Variants in FAM217A observed in about 807,000 individuals in gnomAD.
FAM217A encodes the protein family with sequence similarity 217 member A.
In FAM217A, 13 loss-of-function variants were observed where a neutral mutation model predicts 18.5. The ratio of observed to expected loss-of-function variants is 0.70; its 90% confidence interval spans 0.46 to 1.12. FAM217A has a LOEUF of 1.12. Among genes scored for constraint, FAM217A ranks in the 50% most tolerant of loss-of-function variants. The pLI is 0.00. For synonymous variants in FAM217A, 161 were observed against 202.8 expected, an observed-to-expected ratio of 0.79 and a Z score of 1.75; for missense variants, 560 against 575.4, an observed-to-expected ratio of 0.97 and a Z score of 0.27.
chr6:4,086,057 G>T (rs1770635719), intron 1 of FAM217A, among the ~76,000 whole-genome samples: 1 of 151,854 alleles, frequency 6.6e-6, no homozygotes. Context: ...CGAGGCTACA[G>T]TGAGCTGCAC....
At chr6:4,072,201 C>G (rs189599899) in intron 6 of FAM217A, among the ~76,000 whole-genome samples, 1 of 152,110 alleles carries the variant, frequency 6.6e-6, no homozygotes, top group Non-Finnish European at 1.5e-5. Flanking sequence ...ATTAGCCAGG[C>G]ATGGTGGCGG....
Position 4,068,965 on chromosome 6 carries a change from T to C in FAM217A, c.1258A>G (p.Ile420Val), listed in dbSNP as rs369483912. Reference sequence around the variant, plus strand: ...ACCATTGATTGATTTGTATGGCCAATAGTAGGTTTGAATGAGAGTTCTTGG... The same window carrying C: ...ACCATTGATTGATTTGTATGGCCAACAGTAGGTTTGAATGAGAGTTCTTGG... ...PCQELSFKPTIGHTNQSMVKM... is the reference protein window; with the variant it reads ...PCQELSFKPTVGHTNQSMVKM... Residue 420 changes from isoleucine to valine, a missense_variant, in exon 7 of 7, where the codon ATT becomes GTT. By Grantham distance (29) the Ile-to-Val change is conservative. Coordinates refer to ENST00000274673, the MANE Select transcript of FAM217A (RefSeq NM_173563.3). 17 of 1,614,102 alleles carry C rather than the reference T, an allele frequency of 1.1e-5. No homozygotes were observed. The highest frequency in any genetic ancestry group is 1.4e-5 in the Non-Finnish European group (16 of 1,179,968).
chr6:4,078,633 G>A (rs1770031700), intron 1 of FAM217A, among the ~76,000 whole-genome samples: 1 of 152,218 alleles, frequency 6.6e-6, no homozygotes, highest in Non-Finnish European at 1.5e-5. Flanking sequence ...CTGAAGGACG[G>A]CCCTGGGGAC....
chr6:4,084,558 GTC>G (rs1470627960), intron 2 of FAM217A: 7 of 701,288 alleles, frequency 1.0e-5, no homozygotes, highest in Non-Finnish European at 7.8e-6. Context: ...TTTGGTTAAA[GTC>G]TCAGTGTCAG....
At position 4,069,167 on chromosome 6, in the gene FAM217A, T is replaced by G; in HGVS notation, c.1056A>C (p.Lys352Asn). 1 of 1,613,826 alleles carries G rather than the reference T, an allele frequency of 6.2e-7. No individual in the cohort carries two copies. The highest frequency in any genetic ancestry group is 2.2e-5 in the East Asian group (1 of 44,866). ...QIPCVDKSQE[K>N]SKNNSGSCKL... ...TACAAGAACCAGAGTTGTTTTTACT[T>G]TTTTCTTGACTTTTATCTACACAAG... Residue 352 changes from lysine (K) to asparagine (N), a missense_variant, in exon 7 of 7, where the codon AAA becomes AAC. Transcript: ENST00000274673.
upstream of FAM217A, among the ~76,000 whole-genome samples, chr6:4,083,495 G>A (rs940861026): frequency 6.6e-6 from 1 of 151,648 alleles, no homozygotes; most frequent in Non-Finnish European, 1.5e-5. Context: ...CTTTAGAATT[G>A]CCAAGGTCAT....
intron 1 of FAM217A, among the ~76,000 whole-genome samples, chr6:4,078,399 C>T (rs556724300): frequency 6.6e-6 from 1 of 152,230 alleles, no homozygotes; most frequent in East Asian, 1.9e-4. Flanking sequence ...ATCTGCTAAT[C>T]GTTTACAATT....
upstream of FAM217A, among the ~76,000 whole-genome samples, chr6:4,081,571 C>G (rs1770302714): frequency 6.6e-6 from 1 of 152,212 alleles, no homozygotes; most frequent in Non-Finnish European, 1.5e-5. Context: ...CTCAGCCTCC[C>G]AAAGTGCTGG....
chr6:4,078,811 G>A, intron 1 of FAM217A, 41 bp downstream of exon 1: 1 of 437,490 alleles, frequency 2.3e-6, no homozygotes, highest in Non-Finnish European at 4.1e-6. Flanking sequence ...GGTAGCAGGA[G>A]GGGGCTGCGG....
At chr6:4,074,483 TAATA>T in intron 3 of FAM217A, 27 bp from the exon 4 acceptor site, 1 of 1,584,358 alleles carries the variant, frequency 6.3e-7, no homozygotes, top group Non-Finnish European at 8.7e-7. Context: ...AAATGACAAT[TAATA>T]GTTACATAAA....
At chr6:4,080,206 T>A (rs892583373), upstream of FAM217A, among the ~76,000 whole-genome samples, 1 of 152,242 alleles carries the variant, frequency 6.6e-6, no homozygotes, top group Non-Finnish European at 1.5e-5. Context: ...CCCTGACTCC[T>A]GACTCTTTCC....
At chr6:4,073,562 T>C (rs565921108) in intron 4 of FAM217A, 55 bp from the exon 5 acceptor site, 1 of 1,397,042 alleles carries the variant, frequency 7.2e-7, no homozygotes, top group Admixed American at 1.8e-5. Flanking sequence ...CCTATTCTTG[T>C]TCTAACAATG....
chr6:4,083,390 G>A (rs577108267), upstream of FAM217A, among the ~76,000 whole-genome samples: 1 of 152,232 alleles, frequency 6.6e-6, no homozygotes, highest in East Asian at 1.9e-4. Flanking sequence ...TAATTATTCT[G>A]GAGGGAAAAG....
In FAM217A at chr6:4,076,341, A is replaced by G. The variant is rs993922687; in HGVS notation, c.60+1014T>C. Among the ~76,000 whole-genome samples the G allele has an allele frequency of 1.1e-4, 17 of 150,252 alleles. 1 individual carries two copies. Among genetic ancestry groups the G allele is most frequent in the African/African-American group, 3.2e-4 (13 of 40,636 alleles). ...GAGACTCCGTCTCAAAAAAAAAGAA[A>G]AAAAAAAAAAAGAATGAGGGTGAGG... is the stretch of plus-strand genomic sequence containing the variant. On this transcript the variant is annotated intron_variant, in intron 2 of 6. Coordinates refer to ENST00000274673, the MANE Select transcript of FAM217A (RefSeq NM_173563.3).
Position 4,069,079 on chromosome 6 carries a change from T to G in FAM217A, c.1144A>C (p.Arg382=), listed in dbSNP as rs1769216009. The G allele has an allele frequency of 6.2e-7, 1 of 1,614,080 alleles. No individual in the cohort carries two copies. Among genetic ancestry groups the G allele is most frequent in the Admixed American group, 1.7e-5 (1 of 60,002 alleles). The change falls in exon 7 of 7, where the codon AGA becomes CGA. Residue 382 remains arginine, a synonymous_variant. Transcript: ENST00000274673. ...SNAGKYRWNS[R]PLSLKSSSTP... is the part of the protein sequence containing the mutation. ...GAAGAACTTTTTAGAGACAGTGGTCTAGAATTCCATCTATATTTGCCAGCA... is the reference window on the plus strand; with the variant it reads ...GAAGAACTTTTTAGAGACAGTGGTCGAGAATTCCATCTATATTTGCCAGCA...
Position 4,079,007 on chromosome 6 carries a change from G to C in FAM217A, c.-190C>G. 2.1e-6 allele frequency: 1 copy of C among 470,084 alleles called. No homozygotes were observed. Among genetic ancestry groups the C allele is most frequent in the Non-Finnish European group, 3.8e-6 (1 of 266,344 alleles). The allele number at this position is 470,084 out of a possible 1,614,324, so 29.1% of individuals were successfully genotyped here. On this transcript the variant is annotated 5_prime_UTR_variant, in exon 1 of 7. Transcript: ENST00000274673. Reference sequence around the variant, plus strand: ...ACAAAGAGGGCGGCGGGCGGCTGGCGGCCTTGAGCGCAGCCCGGTCGGCAG... The same window carrying C: ...ACAAAGAGGGCGGCGGGCGGCTGGCCGCCTTGAGCGCAGCCCGGTCGGCAG...
rs757437617 is a variant in FAM217A, at chr6:4,069,853, G to C, written c.370C>G (p.Leu124Val). The change falls in exon 7 of 7, where the codon CTG (leucine) becomes GTG (valine). Residue 124 changes from leucine to valine, a missense_variant. Leu to Val is a conservative substitution (Grantham distance 32, BLOSUM62 1). Transcript: ENST00000274673. ...GAAGCAATTGTTAATGGGTGGTTCAGAGTGAAGACCCTTATAGGATGATTG... is the reference window on the plus strand; with the variant it reads ...GAAGCAATTGTTAATGGGTGGTTCACAGTGAAGACCCTTATAGGATGATTG... The part of the protein sequence containing the change: ...VINHPIRVFT[L>V]NHPLTIASVD... 5 of 1,613,718 alleles carry C rather than the reference G, an allele frequency of 3.1e-6. No homozygotes were observed. Among genetic ancestry groups the C allele is most frequent in the Non-Finnish European group, 4.2e-6 (5 of 1,179,592 alleles).
In FAM217A at chr6:4,073,268, C is replaced by CTATACTCAATTTTCATTTATATTATT. The variant is rs1561922961; in HGVS notation, c.302+6_302+7insAATAATATAAATGAAAATTGAGTATA. On this transcript the variant is annotated splice_region_variant and intron_variant, in intron 6 of 6. Coordinates refer to ENST00000274673, the MANE Select transcript of FAM217A (RefSeq NM_173563.3). ...TTTAGGGTGTTACAAAATAACTACT[C>CTATACTCAATTTTCATTTATATTATT]GCTTACCTCTTCTCTATGGTACTTC... 6.3e-7 allele frequency: 1 copy of CTATACTCAATTTTCATTTATATTATT among 1,591,342 alleles called. No individual in the cohort carries two copies. The highest frequency in any genetic ancestry group is 8.5e-7 in the Non-Finnish European group (1 of 1,169,904).
At position 4,068,970 on chromosome 6, in the gene FAM217A, G is replaced by A. The variant is rs1249730528; in HGVS notation, c.1253C>T (p.Pro418Leu). 2 of 1,613,982 alleles carry A rather than the reference G, an allele frequency of 1.2e-6. No homozygotes were observed. The highest frequency in any genetic ancestry group is 1.3e-5 in the African/African-American group (1 of 74,904). The change falls in exon 7 of 7, where the codon CCT becomes CTT. Residue 418 changes from proline to leucine, a missense_variant. By Grantham distance (98) the Pro-to-Leu change is moderately conservative (BLOSUM62 -3). Coordinates refer to ENST00000274673, the MANE Select transcript of FAM217A (RefSeq NM_173563.3). ...LSPCQELSFK[P>L]TIGHTNQSMV... ...TGATTGATTTGTATGGCCAATAGTA[G>A]GTTTGAATGAGAGTTCTTGGCATGG...
Sources: gnomAD v4.1 joint callset for allele counts (sites outside exome capture counted in the v4.1 genomes callset) on GRCh38, gnomAD v4.1.1 for gene constraint, MANE v1.5 for transcripts, NCBI Gene and HGNC (gene_info 2026-07-23, HGNC 2026-07-21) for gene names.